Variants in DIP2B observed in about 807,000 individuals in gnomAD.
DIP2B encodes DIP2 acetate--CoA ligase B (putative).
Under a neutral mutation model 198.0 loss-of-function variants are expected in DIP2B, and 76 were observed. The ratio of observed to expected loss-of-function variants is 0.38; its 90% CI spans 0.32 to 0.46. The LOEUF is 0.46. Among genes scored for constraint, DIP2B ranks in the 20% least tolerant of loss-of-function variants. The pLI, the probability that DIP2B is intolerant of heterozygous loss-of-function variation, is 0.99. For synonymous variants in DIP2B, 701 were observed against 739.1 expected (o/e 0.95, Z 0.84); for missense variants, 1,559 against 1,978.4 (o/e 0.79, Z 4.02).
At chr12:50,669,515 C>T (rs1263315316) in intron 4 of DIP2B, among the ~76,000 whole-genome samples, 2 of 152,262 alleles carry the variant, frequency 1.3e-5, no homozygotes, top group South Asian at 2.1e-4. Context: ...CTCCGCCTCC[C>T]GGTCTTAAGT....
intron 1 of DIP2B, among the ~76,000 whole-genome samples, chr12:50,595,154 G>A (rs1161680293): frequency 6.6e-6 from 1 of 152,140 alleles, no homozygotes; most frequent in Non-Finnish European, 1.5e-5. Context: ...ACAGCCATTG[G>A]CTCTAATAAT....
chr12:50,515,931 T>G (rs1434116859), intron 1 of DIP2B, among the ~76,000 whole-genome samples: 1 of 151,820 alleles, frequency 6.6e-6, no homozygotes, highest in East Asian at 1.9e-4. Flanking sequence ...ACTTACTATC[T>G]CCATCCATTT....
intron 4 of DIP2B, among the ~76,000 whole-genome samples, chr12:50,668,617 G>A (rs1333749127): frequency 6.6e-6 from 1 of 152,100 alleles, no homozygotes; most frequent in Non-Finnish European, 1.5e-5. Context: ...TTAAAATTGG[G>A]TTATTCTGAT....
intron 1 of DIP2B, among the ~76,000 whole-genome samples, chr12:50,579,522 A>C (rs1359080735): frequency 6.8e-6 from 1 of 146,876 alleles, no homozygotes; most frequent in East Asian, 2.0e-4. Flanking sequence ...TGAGGCAGGA[A>C]AATCACTTGA....
Position 50,620,778 on chromosome 12 carries a change from A to G in DIP2B, c.101-5198A>G, listed in dbSNP as rs571109500. Among the ~76,000 whole-genome samples the G allele has an allele frequency of 4.3e-4, 66 of 152,318 alleles. 1 individual carries two copies. The highest frequency in any genetic ancestry group is 2.1e-4 in the Non-Finnish European group (14 of 68,026). On this transcript the variant is annotated intron_variant, in intron 1 of 37. Transcript: ENST00000301180. ...AGTAAGAAAGCCTGTGGTGTGACTC[A>G]GTGTCTGAGCTCCAGAGGTTCTGTG...
At chr12:50,615,698 T>G (rs1937686339) in intron 1 of DIP2B, among the ~76,000 whole-genome samples, 1 of 152,196 alleles carries the variant, frequency 6.6e-6, no homozygotes, top group Non-Finnish European at 1.5e-5. Context: ...TGCCAGGGAC[T>G]TTTGCATTTA....
At chr12:50,674,139 C>CTT (rs1938903478) in intron 5 of DIP2B, among the ~76,000 whole-genome samples, 1 of 152,062 alleles carries the variant, frequency 6.6e-6, no homozygotes, top group African/African-American at 2.4e-5. Context: ...GAGGTCACTG[C>CTT]AAGTTTTATT....
intron 2 of DIP2B, among the ~76,000 whole-genome samples, chr12:50,637,823 G>T (rs575591666): frequency 6.6e-6 from 1 of 152,236 alleles, no homozygotes; most frequent in African/African-American, 2.4e-5. Flanking sequence ...GAGGCTGGTG[G>T]CTTCCTTCCA....
In DIP2B at chr12:50,732,359, C is replaced by G. The variant is rs1940058317; in HGVS notation, c.3811-7C>G. ...TGACTTGGCTCCCATATAATGGTGT[C>G]TTGCAGACCAGAGGGATCAACCTCT... On this transcript the variant is annotated splice_region_variant and splice_polypyrimidine_tract_variant and intron_variant, in intron 31 of 37. Transcript: ENST00000301180. The G allele has an allele frequency of 1.2e-6, 2 of 1,613,996 alleles. No homozygotes were observed. The highest frequency in any genetic ancestry group is 8.5e-7 in the Non-Finnish European group (1 of 1,179,984).
intron 7 of DIP2B, 98 bp downstream of exon 7, chr12:50,675,546 C>A: frequency 8.3e-7 from 1 of 1,203,044 alleles, no homozygotes; most frequent in Non-Finnish European, 1.1e-6. Flanking sequence ...ATGAACAAGA[C>A]ACAGTTCTTG....
intron 2 of DIP2B, among the ~76,000 whole-genome samples, chr12:50,627,024 A>G (rs937213060): frequency 1.3e-5 from 2 of 152,246 alleles, no homozygotes; most frequent in Admixed American, 1.3e-4. Context: ...AATTTAAGAT[A>G]TCTCAATGAA....
intron 1 of DIP2B, among the ~76,000 whole-genome samples, chr12:50,547,905 C>CA (rs1429613258): frequency 6.6e-6 from 1 of 151,876 alleles, no homozygotes; most frequent in East Asian, 1.9e-4. Flanking sequence ...CCCATCTTTA[C>CA]AAAAAATACA....
chr12:50,675,403 C>G lies in DIP2B; in HGVS notation c.871C>G (p.Pro291Ala), dbSNP rs1938929331. ...LNTLKRPKRPPLKEFFVDDSE... is the reference protein window; with the variant it reads ...LNTLKRPKRPALKEFFVDDSE... ...CACTCTGAAACGACCCAAAAGGCCT[C>G]CCTTAAAGGAATTTTTTGTGGATGA... The change falls in exon 7 of 38, where the codon CCC becomes GCC. Residue 291 changes from proline to alanine, a missense_variant. Pro to Ala is a conservative substitution (Grantham distance 27). Transcript: ENST00000301180. 1.2e-6 allele frequency: 2 copies of G among 1,613,584 alleles called. No individual in the cohort carries two copies. The highest frequency in any genetic ancestry group is 8.5e-7 in the Non-Finnish European group (1 of 1,179,764).
chr12:50,570,032 A>G (rs992253791), intron 1 of DIP2B, among the ~76,000 whole-genome samples: 3 of 152,196 alleles, frequency 2.0e-5, no homozygotes, highest in African/African-American at 7.2e-5. Context: ...TCAGTGAATG[A>G]AGTGCTCTGA....
At chr12:50,659,297 T>C (rs1938605346) in intron 3 of DIP2B, among the ~76,000 whole-genome samples, 1 of 152,140 alleles carries the variant, frequency 6.6e-6, no homozygotes, top group Non-Finnish European at 1.5e-5. Context: ...AGAGTTTAAA[T>C]TTAAAAAAGA....
Position 50,737,486 on chromosome 12 carries a change from CAAAA to C in DIP2B, c.4176+380_4176+383del, listed in dbSNP as rs370504124. Among the ~76,000 whole-genome samples the C allele has an allele frequency of 1.1e-4, 17 of 151,858 alleles. No homozygotes were observed. The South Asian group carries it at 2.1e-3, about 19-fold the overall frequency. ...TAAAATGTATCCATGTTTGCATTAA[CAAAA>C]AAATTCTAGGCCCAGCCCTTTAACA... On this transcript the variant is annotated intron_variant, in intron 35 of 37. Coordinates refer to ENST00000301180, the MANE Select transcript of DIP2B (RefSeq NM_173602.3).
intron 1 of DIP2B, among the ~76,000 whole-genome samples, chr12:50,573,837 A>G (rs1323441850): frequency 6.6e-6 from 1 of 152,240 alleles, no homozygotes; most frequent in Non-Finnish European, 1.5e-5. Flanking sequence ...AAATTCATTT[A>G]TTCAAATAAT....
chr12:50,681,818 T>C (rs1939046109), intron 9 of DIP2B, among the ~76,000 whole-genome samples: 1 of 152,208 alleles, frequency 6.6e-6, no homozygotes, highest in Non-Finnish European at 1.5e-5. Flanking sequence ...CATGAGTGTT[T>C]CCTAGTCCTC....
At chr12:50,578,152 A>G (rs1307886069) in intron 1 of DIP2B, among the ~76,000 whole-genome samples, 1 of 151,458 alleles carries the variant, frequency 6.6e-6, no homozygotes, top group Admixed American at 6.7e-5. Context: ...GCTGGGACAC[A>G]GACGTGCACC....
Sources: allele counts gnomAD v4.1 joint callset (sites outside exome capture counted in the v4.1 genomes callset), GRCh38; gene constraint gnomAD v4.1.1; transcripts MANE v1.5; gene names NCBI Gene and HGNC (gene_info 2026-07-23, HGNC 2026-07-21).